The following PRKACA variants were observed in gnomAD, a reference collection of about 807,000 sequenced individuals.
PRKACA encodes the protein protein kinase cAMP-activated catalytic subunit alpha.
PRKACA carries 9 observed loss-of-function variants against 45.8 expected under a neutral mutation model. The ratio of observed to expected loss-of-function variants is 0.20; its 90% CI spans 0.12 to 0.34. The LOEUF (loss-of-function observed/expected upper bound fraction) is 0.34, where lower values mean the gene tolerates loss of function less well. Among genes scored for constraint, PRKACA ranks in the 10% least tolerant of loss-of-function variants. The pLI is 1.00. For synonymous variants in PRKACA, 160 were observed against 178.6 expected (o/e 0.90, Z 0.83); for missense variants, 238 against 458.6 (o/e 0.52, Z 4.39).
At chr19:14,113,849 A>G (rs1324881744) in intron 1 of PRKACA, among the ~76,000 whole-genome samples, 1 of 152,004 alleles carries the variant, frequency 6.6e-6, no homozygotes, top group African/African-American at 2.4e-5. Context: ...CTCATCCTAC[A>G]GTCTGAGCTG....
intron 8 of PRKACA, among the ~76,000 whole-genome samples, chr19:14,094,269 A>G (rs1977182961): frequency 2.7e-5 from 4 of 150,820 alleles, no homozygotes; most frequent in Admixed American, 2.6e-4. Flanking sequence ...GCTCACTGCA[A>G]CCTCCGCCTC....
intron 1 of PRKACA, among the ~76,000 whole-genome samples, chr19:14,116,969 G>T (rs41301236): frequency 1.2e-3 from 180 of 151,104 alleles, no homozygotes; most frequent in African/African-American, 4.3e-3. Flanking sequence ...TGGAAGGGGG[G>T]GCTGTGCTAA....
chr19:14,101,563 A>G (rs188502889), intron 4 of PRKACA, among the ~76,000 whole-genome samples: 1 of 148,132 alleles, frequency 6.8e-6, no homozygotes, highest in Non-Finnish European at 1.5e-5. Flanking sequence ...ACCTTATCTT[A>G]AACAAAACAA....
chr19:14,105,287 G>A (rs920681097), intron 3 of PRKACA, among the ~76,000 whole-genome samples: 3 of 151,994 alleles, frequency 2.0e-5, no homozygotes, highest in Non-Finnish European at 2.9e-5. Flanking sequence ...TGAGGCGGGC[G>A]GATTACCTGA....
intron 3 of PRKACA, among the ~76,000 whole-genome samples, chr19:14,105,648 C>T (rs1311461669): frequency 1.3e-5 from 2 of 151,852 alleles, no homozygotes; most frequent in Admixed American, 6.6e-5. Flanking sequence ...GCTGTGTTGT[C>T]GAGGCTGGAG....
At chr19:14,095,999 CAG>C (rs752976682) in intron 8 of PRKACA, among the ~76,000 whole-genome samples, 28 of 150,384 alleles carry the variant, frequency 1.9e-4, no homozygotes, top group Admixed American at 2.7e-4. Flanking sequence ...GCTGGGAACA[CAG>C]GGGTGCACCA....
At chr19:14,114,898 G>C (rs1967076636) in intron 1 of PRKACA, among the ~76,000 whole-genome samples, 1 of 152,146 alleles carries the variant, frequency 6.6e-6, no homozygotes, top group Admixed American at 6.5e-5. Flanking sequence ...CTTAACTGGT[G>C]CCTCCCAAGG....
At position 14,093,062 on chromosome 19, in the gene PRKACA, A is replaced by T; in HGVS notation, c.*50T>A. 1 of 163,888 alleles carries T rather than the reference A, an allele frequency of 6.1e-6. No individual in the cohort carries two copies. Among genetic ancestry groups the T allele is most frequent in the South Asian group, 7.2e-5 (1 of 13,804 alleles). The allele number at this position is 163,888 out of a possible 1,614,324, so 10.2% of individuals were successfully genotyped here. ...ATCCAACCCTCCCACCCCCCCGACC[A>T]AAAAAAAGAAAAAAGAAAAAAGAAA... On this transcript the variant is annotated 3_prime_UTR_variant, in exon 10 of 10. Transcript: ENST00000308677.
chr19:14,092,974 C>T lies in PRKACA; in HGVS notation c.*138G>A, dbSNP rs546874591. The T allele has an allele frequency of 2.7e-5, 32 of 1,168,020 alleles. 1 individual carries two copies. The South Asian group carries it at 5.3e-4, about 19-fold the overall frequency. The allele number at this position is 1,168,020 out of a possible 1,614,324, so 72.4% of individuals were successfully genotyped here. A position where few individuals can be genotyped will look rare whatever the true frequency, so the allele number is the denominator to read the frequency against. On this transcript the variant is annotated 3_prime_UTR_variant, in exon 10 of 10. Transcript: ENST00000308677. The stretch of plus-strand genomic sequence containing the variant: ...TATCTGGGCTTCCTGCTCCCCCTAA[C>T]CCTGGAGGGTGGGGTGGGGGTGAAA...
intron 8 of PRKACA, 62 bp from the exon 9 acceptor site, chr19:14,093,854 G>T: frequency 6.6e-7 from 1 of 1,507,634 alleles, no homozygotes; most frequent in East Asian, 2.3e-5. Context: ...AGCCCATGAT[G>T]CTTCTTTCTC....
In PRKACA at chr19:14,101,087, G is replaced by T. The variant is rs28730844; in HGVS notation, c.337-179C>A. ...CCTGCTGTTAATGGGTGAAAGTGAG[G>T]GCTGGCTCAGAGGTATGTCAGGACC... On this transcript the variant is annotated intron_variant, in intron 4 of 9. Coordinates refer to ENST00000308677, the MANE Select transcript of PRKACA (RefSeq NM_002730.4). The T allele has an allele frequency of 2.4e-3, 1,475 of 602,824 alleles. 19 individuals carry two copies. The African/African-American group carries it at 0.025, about 10-fold the overall frequency. The allele number at this position is 602,824 out of a possible 1,614,324, so 37.3% of individuals were successfully genotyped here. A position where few individuals can be genotyped will look rare whatever the true frequency, so the allele number is the denominator to read the frequency against.
chr19:14,107,650 C>T (rs1977652296), intron 1 of PRKACA: 1 of 1,327,720 alleles, frequency 7.5e-7, no homozygotes. Flanking sequence ...GGGTCACTCG[C>T]AGGGGAACGG....
intron 8 of PRKACA, 54 bp from the exon 9 acceptor site, chr19:14,093,846 C>A: frequency 6.5e-7 from 1 of 1,529,318 alleles, no homozygotes; most frequent in Non-Finnish European, 8.9e-7. Context: ...ACTTGGGAAG[C>A]CCATGATGCT....
chr19:14,103,054 C>T (rs1271097978), intron 3 of PRKACA, 140 bp from the exon 4 acceptor site: 4 of 700,088 alleles, frequency 5.7e-6, no homozygotes. Flanking sequence ...GCCTGTCGGG[C>T]CCTTAGCTGA....
At position 14,092,680 on chromosome 19, in the gene PRKACA, C is replaced by T; in HGVS notation, c.*432G>A. 1 of 378,670 alleles carries T rather than the reference C, an allele frequency of 2.6e-6. No homozygotes were observed. The highest frequency in any genetic ancestry group is 4.7e-6 in the Non-Finnish European group (1 of 213,356). The allele number at this position is 378,670 out of a possible 1,614,324, so 23.5% of individuals were successfully genotyped here. ...AAGGTTGGCGCTTCGTTCATTTGCC[C>T]TTAGCAAGTGGGGCCTGTGGTTGGG... On this transcript the variant is annotated 3_prime_UTR_variant, in exon 10 of 10. Coordinates refer to ENST00000308677, the MANE Select transcript of PRKACA (RefSeq NM_002730.4).
At chr19:14,114,139 C>T (rs770449257) in intron 1 of PRKACA, 21 of 1,611,434 alleles carry the variant, frequency 1.3e-5, no homozygotes, top group Non-Finnish European at 1.8e-5. Context: ...CTCACCATCG[C>T]TGGAGTTGGA....
chr19:14,111,174 G>C (rs1480924705), intron 1 of PRKACA, among the ~76,000 whole-genome samples: 2 of 152,190 alleles, frequency 1.3e-5, no homozygotes, highest in African/African-American at 2.4e-5. Context: ...GAGACAGGCA[G>C]ATCACCTGAG....
At chr19:14,105,639 C>T (rs144414722) in intron 3 of PRKACA, among the ~76,000 whole-genome samples, 1 of 151,988 alleles carries the variant, frequency 6.6e-6, no homozygotes, top group East Asian at 1.9e-4. Context: ...TGGGGTCTGG[C>T]TGTGTTGTCG....
In PRKACA at chr19:14,097,247, C is replaced by T; in HGVS notation, c.765+114G>A. On this transcript the variant is annotated intron_variant, in intron 8 of 9. Transcript: ENST00000308677. This position sits in a 1 kb window ranked among gnomAD's most constrained non-coding sequence, Gnocchi z 5.4. ...CGTCCAGCTTCACCACCTGGCCTGA[C>T]TTAAGGAACTTCTAGATTATTCTGA... The T allele has an allele frequency of 1.3e-6, 2 of 1,543,318 alleles. No homozygotes were observed. Among genetic ancestry groups the T allele is most frequent in the South Asian group, 1.1e-5 (1 of 88,008 alleles).
Sources: allele counts gnomAD v4.1 joint callset (sites outside exome capture counted in the v4.1 genomes callset), GRCh38; gene constraint gnomAD v4.1.1; non-coding constraint Gnocchi (gnomAD v3.1); transcripts MANE v1.5; gene names NCBI Gene and HGNC (gene_info 2026-07-23, HGNC 2026-07-21).